The following NEGR1 variants were observed in gnomAD, a reference collection of about 807,000 sequenced individuals.
NEGR1 encodes neuronal growth regulator 1.
NEGR1 carries 10 observed loss-of-function variants against 40.9 expected under a neutral mutation model. The ratio of observed to expected loss-of-function variants is 0.24; its 90% CI spans 0.15 to 0.42. The LOEUF (loss-of-function observed/expected upper bound fraction) is 0.42, where lower values mean the gene tolerates loss of function less well. Ranked by LOEUF, NEGR1 falls within the 10% of genes least tolerant of loss-of-function variation. NEGR1 has a pLI of 1.00. For missense variants in NEGR1, 352 were observed against 438.9 expected (o/e 0.80, Z 1.77); for synonymous variants, 185 against 166.8 (o/e 1.11, Z -0.84).
intron 1 of NEGR1, among the ~76,000 whole-genome samples, chr1:72,148,154 C>T (rs1650980000): frequency 6.6e-6 from 1 of 152,184 alleles, no homozygotes; most frequent in Non-Finnish European, 1.5e-5. Flanking sequence ...ACTGTCCTAG[C>T]AGAGATGCTC....
At chr1:71,956,536 A>T (rs905793556) in intron 1 of NEGR1, among the ~76,000 whole-genome samples, 61 of 152,010 alleles carry the variant, frequency 4.0e-4, no homozygotes, top group African/African-American at 1.4e-3. Flanking sequence ...GAAATAAGTA[A>T]CCTGAGACAT....
At chr1:71,458,259 G>C (rs907910563) in intron 6 of NEGR1, among the ~76,000 whole-genome samples, 1 of 152,140 alleles carries the variant, frequency 6.6e-6, no homozygotes, top group African/African-American at 2.4e-5. Flanking sequence ...ATTGCTTACT[G>C]CCATTATATT....
At chr1:71,437,997 T>C (rs1205493498) in intron 6 of NEGR1, among the ~76,000 whole-genome samples, 1 of 152,236 alleles carries the variant, frequency 6.6e-6, no homozygotes, top group Admixed American at 6.5e-5. Flanking sequence ...TCACAGGGGC[T>C]GCATGGTTTG....
At chr1:72,008,878 A>G (rs1646632306) in intron 1 of NEGR1, among the ~76,000 whole-genome samples, 1 of 151,840 alleles carries the variant, frequency 6.6e-6, no homozygotes, top group South Asian at 2.1e-4. Flanking sequence ...ATTTTTGAAA[A>G]CTCCTTCAGA....
chr1:71,495,548 C>T (rs982693084), intron 6 of NEGR1, among the ~76,000 whole-genome samples: 1 of 151,632 alleles, frequency 6.6e-6, no homozygotes, highest in Admixed American at 6.6e-5. Flanking sequence ...GGAATTGCTG[C>T]TCCTACCCCC....
intron 1 of NEGR1, among the ~76,000 whole-genome samples, chr1:72,243,333 T>C (rs145564970): frequency 2.6e-5 from 4 of 151,904 alleles, no homozygotes; most frequent in Admixed American, 2.6e-4. Flanking sequence ...CAATTTCCTC[T>C]TCTGTATAAA....
At chr1:72,014,256 ATCTTATTATTTAG>A (rs1237505598) in intron 1 of NEGR1, among the ~76,000 whole-genome samples, 1 of 151,974 alleles carries the variant, frequency 6.6e-6, no homozygotes, top group Non-Finnish European at 1.5e-5. Context: ...TTGATTAATA[ATCTTATTATTTAG>A]AAATTATCAT....
rs1454569137 is a variant in NEGR1, at chr1:71,400,822, CAGGAGTTCTA to C, written c.*6614_*6623del. On this transcript the variant is annotated 3_prime_UTR_variant, in exon 7 of 7. Transcript: ENST00000357731. ...CCGAGGGAAGTGGATCACTTGAGGT[CAGGAGTTCTA>C]GACCAGACTGGCCAACATGGTGAAA... The C allele has an allele frequency of 6.6e-6, 1 of 152,292 alleles. No individual in the cohort carries two copies. Among genetic ancestry groups the C allele is most frequent in the East Asian group, 1.9e-4 (1 of 5,174 alleles). 9.4% of individuals were successfully genotyped at this position (152,292 alleles called of 1,614,324 possible).
At chr1:71,687,181 C>T (rs1333145868) in intron 4 of NEGR1, among the ~76,000 whole-genome samples, 1 of 152,072 alleles carries the variant, frequency 6.6e-6, no homozygotes, top group African/African-American at 2.4e-5. Flanking sequence ...TAACTTAAAC[C>T]TTTAAACAAC....
At chr1:71,545,469 T>C (rs923739384) in intron 6 of NEGR1, among the ~76,000 whole-genome samples, 4 of 151,752 alleles carry the variant, frequency 2.6e-5, no homozygotes, top group African/African-American at 9.7e-5. Context: ...AATATCCTTT[T>C]AAAAATCCAG....
Position 71,400,751 on chromosome 1 carries a change from G to A in NEGR1, c.*6695C>T, listed in dbSNP as rs940605846. The A allele has an allele frequency of 2.0e-5, 3 of 151,578 alleles. No individual in the cohort carries two copies. Among genetic ancestry groups the A allele is most frequent in the Non-Finnish European group, 2.9e-5 (2 of 67,980 alleles). The allele number at this position is 151,578 out of a possible 1,614,324, so 9.4% of individuals were successfully genotyped here. ...AATGGCTTTAAAAATTTTACATCTC[G>A]TCTGGGAGCGGTGGCTCACGCCTGT... On this transcript the variant is annotated 3_prime_UTR_variant, in exon 7 of 7. Coordinates refer to ENST00000357731, the MANE Select transcript of NEGR1 (RefSeq NM_173808.3).
intron 1 of NEGR1, among the ~76,000 whole-genome samples, chr1:71,944,578 CACGG>C (rs71970426): frequency 0.12 from 17,911 of 152,078 alleles, 1,133 homozygotes; most frequent in Middle Eastern, 0.21. Flanking sequence ...AGAAACATAA[CACGG>C]ATGGATATAC....
chr1:71,727,504 A>G (rs985680504), intron 3 of NEGR1, among the ~76,000 whole-genome samples: 5 of 152,188 alleles, frequency 3.3e-5, no homozygotes, highest in African/African-American at 9.6e-5. Flanking sequence ...AATCAAGAGA[A>G]GTAGCTATCA....
At chr1:71,679,490 G>A (rs894166723) in intron 4 of NEGR1, among the ~76,000 whole-genome samples, 19 of 151,940 alleles carry the variant, frequency 1.3e-4, no homozygotes, top group African/African-American at 4.4e-4. Context: ...TAAATTAAAT[G>A]TAAAAATTAT....
At chr1:71,577,519 T>C (rs2101500368) in intron 6 of NEGR1, among the ~76,000 whole-genome samples, 1 of 152,276 alleles carries the variant, frequency 6.6e-6, no homozygotes, top group South Asian at 2.1e-4. Flanking sequence ...TTGGTTACAA[T>C]CAATACACAT....
chr1:71,407,669 G>T, intron 6 of NEGR1, 99 bp from the exon 7 acceptor site: 1 of 1,120,750 alleles, frequency 8.9e-7, no homozygotes, highest in Non-Finnish European at 1.3e-6. Flanking sequence ...GGAAAGCACT[G>T]ACATTGGAGT....
chr1:71,415,011 C>T (rs976303626), intron 6 of NEGR1, among the ~76,000 whole-genome samples: 4 of 152,020 alleles, frequency 2.6e-5, no homozygotes, highest in African/African-American at 4.8e-5. Flanking sequence ...TCAGCTTTCC[C>T]GTTTGTCTTC....
At chr1:71,888,383 G>A (rs1169740196) in intron 2 of NEGR1, among the ~76,000 whole-genome samples, 3 of 152,128 alleles carry the variant, frequency 2.0e-5, no homozygotes, top group South Asian at 2.1e-4. Flanking sequence ...GCCTAAGCAG[G>A]GCGAGGCATT....
chr1:72,041,920 T>C (rs1646958810), intron 1 of NEGR1, among the ~76,000 whole-genome samples: 1 of 144,778 alleles, frequency 6.9e-6, no homozygotes, highest in South Asian at 2.1e-4. Context: ...ATATATTACA[T>C]GTTTATATAT....
Sources: allele counts gnomAD v4.1 joint callset (sites outside exome capture counted in the v4.1 genomes callset), GRCh38; gene constraint gnomAD v4.1.1; transcripts MANE v1.5; gene names NCBI Gene and HGNC (gene_info 2026-07-23, HGNC 2026-07-21).